Variants in DNAH6 observed in about 807,000 individuals in gnomAD.
The protein encoded by DNAH6 is axonemal beta dynein heavy chain 6.
In DNAH6, 340 loss-of-function variants were observed where a neutral mutation model predicts 491.4. That is an observed-to-expected ratio of 0.69 (90% CI 0.63 to 0.76). The LOEUF (loss-of-function observed/expected upper bound fraction) is 0.76, where lower values mean the gene tolerates loss of function less well. Among genes scored for constraint, DNAH6 ranks in the 30% least tolerant of loss-of-function variants. The pLI is 0.00. For missense variants in DNAH6, 4,443 were observed against 4,972.2 expected (o/e 0.89, Z 3.20); for synonymous variants, 1,603 against 1,686.1 (o/e 0.95, Z 1.21).
Position 84,799,792 on chromosome 2 carries a change from G to C in DNAH6, c.11481+2134G>C, listed in dbSNP as rs189960706. 2.8e-4 allele frequency among the ~76,000 whole-genome samples: 43 copies of C among 152,344 alleles called. No individual in the cohort carries two copies. The South Asian group carries it at 8.5e-3, about 30-fold the overall frequency. ...GGGTGTGATGCCAGCCACTAAAAGA[G>C]ACACCACCAAGGCCTAGGAATGGAC... On this transcript the variant is annotated intron_variant, in intron 70 of 76. Coordinates refer to ENST00000389394, the MANE Select transcript of DNAH6 (RefSeq NM_001370.2).
At chr2:84,557,251 T>G (rs4831982) in intron 10 of DNAH6, among the ~76,000 whole-genome samples, 146,875 of 152,284 alleles carry the variant, frequency 0.96, 70,875 homozygotes, top group East Asian at 1. Flanking sequence ...TGTCCTGAAG[T>G]TAGGGCCATG....
chr2:84,474,468 A>G, the DNAH6 span, among the ~76,000 whole-genome samples: 1 of 152,060 alleles, frequency 6.6e-6, no homozygotes, highest in Non-Finnish European at 1.5e-5. Flanking sequence ...ATCCGGTCCA[A>G]TCTGTTTGTC....
chr2:84,762,730 C>CTTTTTTTT, intron 63 of DNAH6, 25 bp from the exon 64 acceptor site: 3 of 1,479,196 alleles, frequency 2.0e-6, no homozygotes, highest in East Asian at 2.5e-5. Context: ...ATTCAACATA[C>CTTTTTTTT]TTTTTTTTTC....
chr2:84,793,876 T>C (rs1004817155), intron 68 of DNAH6, among the ~76,000 whole-genome samples: 11 of 152,186 alleles, frequency 7.2e-5, no homozygotes, highest in Non-Finnish European at 1.3e-4. Flanking sequence ...AAATAAATTA[T>C]TGAGATTCCA....
chr2:84,624,828 C>A, intron 28 of DNAH6, 74 bp from the exon 29 acceptor site: 1 of 1,398,470 alleles, frequency 7.2e-7, no homozygotes, highest in South Asian at 1.5e-5. Context: ...AATCCTTCCC[C>A]CATAGAGAGG....
intron 26 of DNAH6, among the ~76,000 whole-genome samples, chr2:84,622,660 G>A (rs767151133): frequency 2.0e-5 from 3 of 152,056 alleles, no homozygotes; most frequent in East Asian, 1.9e-4. Flanking sequence ...AGTCTCCTCC[G>A]GATCCTGACT....
intron 4 of DNAH6, among the ~76,000 whole-genome samples, chr2:84,530,494 C>G (rs913913268): frequency 6.6e-6 from 1 of 152,090 alleles, no homozygotes; most frequent in African/African-American, 2.4e-5. Flanking sequence ...GTAGAGTGAA[C>G]AAGAGATAAA....
At chr2:84,586,117 G>A (rs563099768) in intron 15 of DNAH6, among the ~76,000 whole-genome samples, 2 of 152,348 alleles carry the variant, frequency 1.3e-5, no homozygotes, top group African/African-American at 4.8e-5. Context: ...AGAGCAGGGA[G>A]AGACCAGGCT....
At chr2:84,798,391 C>A (rs941825454) in intron 70 of DNAH6, among the ~76,000 whole-genome samples, 1 of 152,120 alleles carries the variant, frequency 6.6e-6, no homozygotes, top group African/African-American at 2.4e-5. Flanking sequence ...TTCTTGTGAC[C>A]CCCACAGACC....
At chr2:84,693,719 G>C (rs541284102) in intron 45 of DNAH6, among the ~76,000 whole-genome samples, 18 of 149,070 alleles carry the variant, frequency 1.2e-4, no homozygotes, top group Non-Finnish European at 2.4e-4. Flanking sequence ...CTGGGCAACA[G>C]AGCAAGACTC....
chr2:84,660,271 G>A (rs1378213124), intron 37 of DNAH6, among the ~76,000 whole-genome samples: 10 of 152,014 alleles, frequency 6.6e-5, no homozygotes, highest in Admixed American at 5.9e-4. Context: ...GAACACAGAA[G>A]GCAGTTTGAA....
intron 11 of DNAH6, among the ~76,000 whole-genome samples, chr2:84,566,776 C>T (rs1371231058): frequency 1.3e-5 from 2 of 151,942 alleles, no homozygotes; most frequent in East Asian, 1.9e-4. Flanking sequence ...ATTAAAAGAA[C>T]GTGGTACTGG....
chr2:84,593,051 T>C (rs761993227), intron 16 of DNAH6, among the ~76,000 whole-genome samples: 31 of 152,194 alleles, frequency 2.0e-4, no homozygotes, highest in Non-Finnish European at 4.1e-4. Context: ...TACTGTACTT[T>C]ACACTTAAAA....
intron 72 of DNAH6, among the ~76,000 whole-genome samples, chr2:84,809,880 ATCCTT>A (rs1679794959): frequency 6.6e-6 from 1 of 152,128 alleles, no homozygotes; most frequent in Non-Finnish European, 1.5e-5. Flanking sequence ...GGTAGTATAC[ATCCTT>A]TCTTCTTATA....
the DNAH6 span, among the ~76,000 whole-genome samples, chr2:84,492,341 G>A: frequency 2.0e-5 from 3 of 150,138 alleles, no homozygotes; most frequent in Non-Finnish European, 4.5e-5. Flanking sequence ...TGTAACTGGG[G>A]GAGGATGGAG....
intron 29 of DNAH6, among the ~76,000 whole-genome samples, chr2:84,630,146 A>T (rs1461576797): frequency 2.6e-5 from 4 of 152,192 alleles, no homozygotes; most frequent in African/African-American, 9.6e-5. Flanking sequence ...TGATGAGGAA[A>T]AATTTTTATA....
intron 64 of DNAH6, among the ~76,000 whole-genome samples, chr2:84,771,288 CA>C (rs996933035): frequency 3.2e-4 from 38 of 117,570 alleles, no homozygotes; most frequent in Admixed American, 2.7e-4. Flanking sequence ...AACTCAGTCT[CA>C]AAAAAAAAAA....
intron 22 of DNAH6, among the ~76,000 whole-genome samples, chr2:84,612,584 A>G (rs1183007432): frequency 6.6e-6 from 1 of 152,188 alleles, no homozygotes; most frequent in Non-Finnish European, 1.5e-5. Flanking sequence ...ATGGAATAAT[A>G]GAATTGAAAA....
At position 84,587,917 on chromosome 2, in the gene DNAH6, G is replaced by A. The variant is rs1221928110; in HGVS notation, c.2482-909G>A. 2.0e-5 allele frequency among the ~76,000 whole-genome samples: 3 copies of A among 152,146 alleles called. No individual in the cohort carries two copies. In the East Asian group the frequency reaches 5.8e-4, roughly 29 times the overall value. ...GTTGTCCCAGGTTGCTGTTAACTAA[G>A]GGTCTTTCCTGGTTCTTTAGGCACC... On this transcript the variant is annotated intron_variant, in intron 15 of 76. Coordinates refer to ENST00000389394, the MANE Select transcript of DNAH6 (RefSeq NM_001370.2).
Sources: allele counts gnomAD v4.1 joint callset (sites outside exome capture counted in the v4.1 genomes callset), GRCh38; gene constraint gnomAD v4.1.1; transcripts MANE v1.5; gene names NCBI Gene and HGNC (gene_info 2026-07-23, HGNC 2026-07-21).